The following DZIP1 variants were observed in gnomAD, a reference collection of about 807,000 sequenced individuals.
The protein encoded by DZIP1 is cilium assembly protein DZIP1.
In DZIP1, 97 loss-of-function variants were observed where a neutral mutation model predicts 107.6. The observed-to-expected ratio is 0.90, with a 90% CI of 0.77 to 1.07. The LOEUF is 1.07. Among genes scored for constraint, DZIP1 ranks in the 50% least tolerant of loss-of-function variants. The pLI is 0.00. For missense variants in DZIP1, 1,035 were observed against 1,063.6 expected, an observed-to-expected ratio of 0.97 and a Z score of 0.37; for synonymous variants, 390 against 386.4, an observed-to-expected ratio of 1.01 and a Z score of -0.11.
At chr13:95,628,912 A>G (rs982576263) in intron 7 of DZIP1, among the ~76,000 whole-genome samples, 7 of 152,204 alleles carry the variant, frequency 4.6e-5, no homozygotes, top group South Asian at 4.1e-4. Context: ...CAGTTTTTCA[A>G]TACAAAACAG....
At position 95,606,067 on chromosome 13, in the gene DZIP1, A is replaced by T; in HGVS notation, c.1421-8T>A. ...GCAGGGCTGGGGCATTCACTGAAACAGCATAAAAAGGAAAAACTCAGAGGT... is the reference window on the plus strand; with the variant it reads ...GCAGGGCTGGGGCATTCACTGAAACTGCATAAAAAGGAAAAACTCAGAGGT... On this transcript the variant is annotated splice_polypyrimidine_tract_variant and splice_region_variant and intron_variant, in intron 13 of 22. Coordinates refer to ENST00000376829, the MANE Select transcript of DZIP1 (RefSeq NM_198968.4). 1 of 1,612,962 alleles carries T rather than the reference A, an allele frequency of 6.2e-7. No homozygotes were observed. The highest frequency in any genetic ancestry group is 2.2e-5 in the East Asian group (1 of 44,856).
At chr13:95,615,193 C>T (rs918092640) in intron 10 of DZIP1, among the ~76,000 whole-genome samples, 1 of 152,136 alleles carries the variant, frequency 6.6e-6, no homozygotes, top group Non-Finnish European at 1.5e-5. Flanking sequence ...GACAACTGTC[C>T]GTCTTTCTCT....
chr13:95,623,470 A>C (rs961089284), intron 8 of DZIP1, among the ~76,000 whole-genome samples: 5 of 152,222 alleles, frequency 3.3e-5, no homozygotes, highest in African/African-American at 1.2e-4. Flanking sequence ...TTCGTAACAC[A>C]AAGTCTCAGA....
rs149234565 is a variant in DZIP1 at position 95,614,205 on chromosome 13, G to A, written c.1174-2028C>T. Among the ~76,000 whole-genome samples the A allele has an allele frequency of 1.8e-3, 280 of 151,632 alleles. 1 individual carries two copies. Among genetic ancestry groups the A allele is most frequent in the African/African-American group, 6.5e-3 (270 of 41,314 alleles). ...CTGAAATGCTCTGTGCTCCTATGAGGCTGGACAAACACTGGGTGGAACCAA... is the reference window on the plus strand; with the variant it reads ...CTGAAATGCTCTGTGCTCCTATGAGACTGGACAAACACTGGGTGGAACCAA... On this transcript the variant is annotated intron_variant, in intron 10 of 22. Transcript: ENST00000376829.
intron 10 of DZIP1, among the ~76,000 whole-genome samples, chr13:95,615,847 G>C (rs1172384217): frequency 6.6e-6 from 1 of 152,176 alleles, no homozygotes; most frequent in East Asian, 1.9e-4. Context: ...TGTAAAATGA[G>C]TGACAGCATC....
At chr13:95,639,058 A>G (rs1386316035) in intron 5 of DZIP1, among the ~76,000 whole-genome samples, 1 of 152,228 alleles carries the variant, frequency 6.6e-6, no homozygotes, top group Non-Finnish European at 1.5e-5. Context: ...AGCTAAAACA[A>G]TAACTAACTA....
At chr13:95,584,705 C>T (rs368056052) in intron 22 of DZIP1, 31 bp downstream of exon 22, 37 of 1,579,714 alleles carry the variant, frequency 2.3e-5, no homozygotes, top group East Asian at 1.1e-4. Flanking sequence ...GAAAATGGAT[C>T]GAGCTTGTAT....
intron 14 of DZIP1, among the ~76,000 whole-genome samples, chr13:95,604,376 C>A (rs183891582): frequency 1.3e-5 from 2 of 152,198 alleles, no homozygotes; most frequent in South Asian, 2.1e-4. Flanking sequence ...GGGTGGGGGA[C>A]GTTGGCGGGC....
At chr13:95,626,263 C>G (rs1380590600) in intron 7 of DZIP1, among the ~76,000 whole-genome samples, 2 of 152,014 alleles carry the variant, frequency 1.3e-5, no homozygotes, top group East Asian at 1.9e-4. Context: ...AAGCAAAGAA[C>G]AGGAAAGCAA....
intron 10 of DZIP1, among the ~76,000 whole-genome samples, chr13:95,613,020 G>A (rs1340567730): frequency 1.3e-5 from 2 of 151,984 alleles, no homozygotes; most frequent in African/African-American, 2.4e-5. Context: ...AAGAGGGAGG[G>A]AGGGAAAGAA....
intron 14 of DZIP1, among the ~76,000 whole-genome samples, chr13:95,603,149 G>A (rs545603781): frequency 5.7e-4 from 86 of 151,714 alleles, no homozygotes; most frequent in African/African-American, 1.7e-3. Flanking sequence ...ATGAAATGCC[G>A]TCTATATAAT....
intron 3 of DZIP1, among the ~76,000 whole-genome samples, chr13:95,642,640 A>G (rs547262597): frequency 6.6e-5 from 10 of 152,262 alleles, no homozygotes; most frequent in Non-Finnish European, 1.3e-4. Context: ...AGCTTTTGGC[A>G]TAACAGAAAT....
Position 95,641,745 on chromosome 13 carries a change from G to T in DZIP1, c.147C>A (p.Ser49Arg), listed in dbSNP as rs1476083228. 1 of 1,589,406 alleles carries T rather than the reference G, an allele frequency of 6.3e-7. No individual in the cohort carries two copies. The highest frequency in any genetic ancestry group is 1.1e-5 in the South Asian group (1 of 89,222). ...AGAAGGGCAGGGGCCCCGAAGCCGC[G>T]CTGGGGGGCGCACAGGCCATGGAGG... ...GAASMACAPP[S>R]AASGPLPFFQ... Residue 49 changes from serine (S) to arginine (R), a missense_variant, in exon 5 of 23, where the codon AGC becomes AGA. Transcript: ENST00000376829. This position sits in a 1 kb window ranked among gnomAD's most constrained non-coding sequence, Gnocchi z 4.3.
chr13:95,639,681 GAAA>G (rs11436964), intron 5 of DZIP1, among the ~76,000 whole-genome samples: 1 of 150,100 alleles, frequency 6.7e-6, no homozygotes, highest in East Asian at 2.0e-4. Context: ...CCCAAAAAAG[GAAA>G]AAAAAGTTTA....
At chr13:95,638,928 T>C (rs1878157410) in intron 5 of DZIP1, among the ~76,000 whole-genome samples, 1 of 152,240 alleles carries the variant, frequency 6.6e-6, no homozygotes. Context: ...TTGGATTTTC[T>C]GTATAGGGGA....
intron 15 of DZIP1, among the ~76,000 whole-genome samples, chr13:95,597,825 G>C (rs930367699): frequency 4.6e-5 from 7 of 152,216 alleles, no homozygotes; most frequent in Non-Finnish European, 1.0e-4. Flanking sequence ...ATTAAATTGT[G>C]TAGAGATTGC....
rs557381286 is a variant in DZIP1 at position 95,578,294 on chromosome 13, G to C, written c.*3940C>G. The C allele has an allele frequency of 2.6e-5, 6 of 227,696 alleles. No homozygotes were observed. The highest frequency in any genetic ancestry group is 5.2e-5 in the Non-Finnish European group (6 of 116,212). The allele number at this position is 227,696 out of a possible 1,614,324, so 14.1% of individuals were successfully genotyped here. A position where few individuals can be genotyped will look rare whatever the true frequency, so the allele number is the denominator to read the frequency against. ...ACATGAAAAGCATTTAGTACCAAAG[G>C]TTCAAGAAGTATTCGTACTCTAGCC... On this transcript the variant is annotated 3_prime_UTR_variant, in exon 23 of 23. Transcript: ENST00000376829.
At chr13:95,632,894 T>C (rs1479180870) in intron 6 of DZIP1, among the ~76,000 whole-genome samples, 1 of 152,206 alleles carries the variant, frequency 6.6e-6, no homozygotes, top group Non-Finnish European at 1.5e-5. Context: ...CTCTACCCCA[T>C]TGTCCTGCGC....
intron 16 of DZIP1, among the ~76,000 whole-genome samples, chr13:95,591,999 C>CA (rs1194850824): frequency 2.6e-5 from 4 of 151,882 alleles, no homozygotes; most frequent in South Asian, 2.1e-4. Flanking sequence ...AAGGAACACA[C>CA]AAAAAAACAA....
Sources: gnomAD v4.1 joint callset for allele counts (sites outside exome capture counted in the v4.1 genomes callset) on GRCh38, gnomAD v4.1.1 for gene constraint, Gnocchi (gnomAD v3.1) non-coding constraint, MANE v1.5 for transcripts, NCBI Gene and HGNC (gene_info 2026-07-23, HGNC 2026-07-21) for gene names.